PTPRN2: variants seen among roughly 807,000 people sequenced by gnomAD.
PTPRN2 encodes receptor-type tyrosine-protein phosphatase N2.
In PTPRN2, 74 loss-of-function variants were observed where a neutral mutation model predicts 118.8. The observed-to-expected ratio is 0.62, with a 90% CI of 0.52 to 0.76. The LOEUF is 0.76. Ranked by LOEUF, PTPRN2 falls within the 30% of genes least tolerant of loss-of-function variation. The pLI is 0.00. For synonymous variants in PTPRN2, 641 were observed against 608.0 expected, an observed-to-expected ratio of 1.05 and a Z score of -0.80; for missense variants, 1,481 against 1,394.4, an observed-to-expected ratio of 1.06 and a Z score of -0.99.
rs1005580735 is a variant in PTPRN2 at position 157,878,090 on chromosome 7, C to T, written c.1788+20583G>A. Among the ~76,000 whole-genome samples, 5 of 152,212 alleles carry T rather than the reference C, an allele frequency of 3.3e-5. No individual in the cohort carries two copies. The South Asian group carries it at 1.0e-3, about 32-fold the overall frequency. On this transcript the variant is annotated intron_variant, in intron 12 of 22. Coordinates refer to ENST00000389418, the MANE Select transcript of PTPRN2 (RefSeq NM_002847.5). ...CCCGTGTTCCTTCCTGAGGCTCAGA[C>T]AAGCCCATCTCAGCTTTGCTGTCTA...
At position 158,165,514 on chromosome 7, in the gene PTPRN2, A is replaced by T. The variant is rs555426648; in HGVS notation, c.910+1417T>A. Among the ~76,000 whole-genome samples the T allele has an allele frequency of 3.1e-4, 47 of 152,364 alleles. No homozygotes were observed. The South Asian group carries it at 8.7e-3, about 28-fold the overall frequency. ...TTGCAATTTCACATTCCTTCTATTT[A>T]AAAACTGCCATAACGGCTGCATGAA... is the stretch of plus-strand genomic sequence containing the variant. On this transcript the variant is annotated intron_variant, in intron 6 of 22. Transcript: ENST00000389418.
intron 12 of PTPRN2, among the ~76,000 whole-genome samples, chr7:157,762,108 G>A (rs1802166973): frequency 6.6e-6 from 1 of 151,938 alleles, no homozygotes; most frequent in Non-Finnish European, 1.5e-5. Flanking sequence ...GTGCTGGAGA[G>A]GGTGTGGAGA....
chr7:158,214,023 C>T (rs1384959105), intron 3 of PTPRN2, among the ~76,000 whole-genome samples: 1 of 152,032 alleles, frequency 6.6e-6, no homozygotes, highest in African/African-American at 2.4e-5. Context: ...TCTGAGAGGA[C>T]CCTGTATACC....
At chr7:158,411,890 G>A (rs1317893170) in intron 2 of PTPRN2, among the ~76,000 whole-genome samples, 1 of 152,094 alleles carries the variant, frequency 6.6e-6, no homozygotes, top group Non-Finnish European at 1.5e-5. Context: ...AAATGAGGCT[G>A]CGCACATGAG....
In PTPRN2 at chr7:157,641,700, A is replaced by C. The variant is rs77142719; in HGVS notation, c.2196+14657T>G. ...CTGTCCTCTTGCTCCAGAAGAGAAAACACTAGTGACAAGTCAGGACCCACT... is the reference window on the plus strand; with the variant it reads ...CTGTCCTCTTGCTCCAGAAGAGAAACCACTAGTGACAAGTCAGGACCCACT... On this transcript the variant is annotated intron_variant, in intron 14 of 22. Transcript: ENST00000389418. 3.7e-3 allele frequency among the ~76,000 whole-genome samples: 566 copies of C among 152,200 alleles called. 5 individuals carry two copies. Among genetic ancestry groups the C allele is most frequent in the African/African-American group, 0.013 (538 of 41,516 alleles).
chr7:158,240,293 T>A (rs929739380), intron 3 of PTPRN2, among the ~76,000 whole-genome samples: 15 of 152,114 alleles, frequency 9.9e-5, no homozygotes, highest in Non-Finnish European at 1.6e-4. Context: ...AACATAAAAC[T>A]AGCACATTAG....
intron 1 of PTPRN2, among the ~76,000 whole-genome samples, chr7:158,531,683 C>A (rs766740119): frequency 2.0e-5 from 3 of 152,250 alleles, no homozygotes; most frequent in Non-Finnish European, 4.4e-5. Context: ...AAAACCAATG[C>A]ACCACTGGAC....
chr7:157,735,511 G>A (rs934315982), intron 12 of PTPRN2, among the ~76,000 whole-genome samples: 7 of 152,360 alleles, frequency 4.6e-5, no homozygotes, highest in Middle Eastern at 3.4e-3. Context: ...TTTAGAAAAT[G>A]AGGGTTTGAA....
rs761582701 is a variant in PTPRN2 at position 157,944,887 on chromosome 7, C to T, written c.1724-46150G>A. Among the ~76,000 whole-genome samples the T allele has an allele frequency of 3.3e-5, 5 of 152,210 alleles. No homozygotes were observed. Among genetic ancestry groups the T allele is most frequent in the Non-Finnish European group, 5.9e-5 (4 of 68,030 alleles). Reference sequence around the variant, plus strand: ...CAACACAGACTACACAGTCCACAGTCCACAACTCCTGAATCCTGCCTAGTA... The same window carrying T: ...CAACACAGACTACACAGTCCACAGTTCACAACTCCTGAATCCTGCCTAGTA... On this transcript the variant is annotated intron_variant, in intron 11 of 22. Coordinates refer to ENST00000389418, the MANE Select transcript of PTPRN2 (RefSeq NM_002847.5). The surrounding 1 kb of genome is among the most constrained non-coding windows in gnomAD (Gnocchi z 4.3).
intron 3 of PTPRN2, among the ~76,000 whole-genome samples, chr7:158,216,504 G>A (rs1370576087): frequency 6.6e-6 from 1 of 151,610 alleles, no homozygotes; most frequent in East Asian, 1.9e-4. Flanking sequence ...ATGGTTGAAA[G>A]TAAAAATATT....
At chr7:158,469,854 G>A (rs1011567689) in intron 2 of PTPRN2, among the ~76,000 whole-genome samples, 2 of 152,078 alleles carry the variant, frequency 1.3e-5, no homozygotes, top group Non-Finnish European at 2.9e-5. Flanking sequence ...CGCCATAACA[G>A]GAGCTGGGAT....
chr7:157,581,150 C>T (rs1361186018), intron 17 of PTPRN2, among the ~76,000 whole-genome samples: 1 of 152,058 alleles, frequency 6.6e-6, no homozygotes, highest in Non-Finnish European at 1.5e-5. Context: ...CACACCAGCA[C>T]CTGCACACCT....
intron 1 of PTPRN2, among the ~76,000 whole-genome samples, chr7:158,549,935 G>A (rs575340486): frequency 1.3e-5 from 2 of 152,338 alleles, no homozygotes; most frequent in Non-Finnish European, 2.9e-5. Context: ...CAGCACGAAA[G>A]GGAAGCAGGC....
intron 11 of PTPRN2, among the ~76,000 whole-genome samples, chr7:158,023,127 ACT>A (rs1489858160): frequency 6.6e-6 from 1 of 151,752 alleles, no homozygotes; most frequent in Non-Finnish European, 1.5e-5. Flanking sequence ...ATCTTGGAAA[ACT>A]CTCAACAATT....
chr7:158,262,865 TTCAC>T lies in PTPRN2; in HGVS notation c.277+53950_277+53953del, dbSNP rs1797580195. 4.2e-5 allele frequency among the ~76,000 whole-genome samples: 5 copies of T among 120,150 alleles called. No individual in the cohort carries two copies. In the South Asian group the frequency reaches 1.4e-3, roughly 34 times the overall value. 78.8% of individuals were successfully genotyped at this position (120,150 alleles called of 152,430 possible). The stretch of plus-strand genomic sequence containing the variant: ...ACACACATACATACATTCACACACA[TTCAC>T]ACACTGCACACACATACATTCACAC... On this transcript the variant is annotated intron_variant, in intron 3 of 22. Transcript: ENST00000389418.
chr7:158,046,871 G>A (rs1265976383), intron 11 of PTPRN2, among the ~76,000 whole-genome samples: 1 of 152,114 alleles, frequency 6.6e-6, no homozygotes, highest in African/African-American at 2.4e-5. Context: ...TGTGTGTACC[G>A]CTAGCTTTGC....
intron 5 of PTPRN2, among the ~76,000 whole-genome samples, chr7:158,179,126 T>G (rs1824475330): frequency 6.6e-6 from 1 of 152,250 alleles, no homozygotes; most frequent in South Asian, 2.1e-4. Context: ...CCACCTGCAG[T>G]GGATAAGTGT....
intron 2 of PTPRN2, among the ~76,000 whole-genome samples, chr7:158,333,172 C>T (rs1373701300): frequency 9.5e-6 from 1 of 105,786 alleles, no homozygotes; most frequent in Non-Finnish European, 1.9e-5. Context: ...CACCTGCAGA[C>T]GTCACTCAAA....
chr7:157,653,953 G>T (rs1454999485), intron 14 of PTPRN2, among the ~76,000 whole-genome samples: 4 of 80,038 alleles, frequency 5.0e-5, no homozygotes, highest in East Asian at 3.7e-4. Context: ...GATGCCCGCT[G>T]CTCCCCACAC....
Sources: allele counts gnomAD v4.1 joint callset (sites outside exome capture counted in the v4.1 genomes callset), GRCh38; gene constraint gnomAD v4.1.1; non-coding constraint Gnocchi (gnomAD v3.1); transcripts MANE v1.5; gene names NCBI Gene and HGNC (gene_info 2026-07-23, HGNC 2026-07-21).